Variants in COL24A1 observed in about 807,000 individuals in gnomAD.
The protein encoded by COL24A1 is collagen type XXIV alpha 1 chain.
In COL24A1, 224 loss-of-function variants were observed where a neutral mutation model predicts 253.9. The observed-to-expected ratio is 0.88, with a 90% CI of 0.79 to 0.99. The LOEUF (loss-of-function observed/expected upper bound fraction) is 0.99. Ranked by LOEUF, COL24A1 falls within the 50% of genes least tolerant of loss-of-function variation. The pLI is 0.00. For missense variants in COL24A1, 2,131 were observed against 2,068.5 expected, an observed-to-expected ratio of 1.03 and a Z score of -0.59; for synonymous variants, 685 against 673.7, an observed-to-expected ratio of 1.02 and a Z score of -0.26.
chr1:85,914,721 T>A (rs975211662), intron 24 of COL24A1, among the ~76,000 whole-genome samples: 12 of 152,220 alleles, frequency 7.9e-5, no homozygotes, highest in Admixed American at 3.3e-4. Context: ...ACATAAGACG[T>A]ATTGACCTTA....
intron 2 of COL24A1, among the ~76,000 whole-genome samples, chr1:86,139,173 G>A (rs1650709158): frequency 4.0e-5 from 1 of 24,890 alleles, no homozygotes; most frequent in East Asian, 1.6e-3. Flanking sequence ...TGAGGGAGAA[G>A]GAGAAAGGGG....
chr1:86,031,543 A>G (rs908759380), intron 14 of COL24A1, among the ~76,000 whole-genome samples: 1 of 152,104 alleles, frequency 6.6e-6, no homozygotes, highest in Non-Finnish European at 1.5e-5. Context: ...ATAATTAACA[A>G]TTTTTTAAAA....
intron 5 of COL24A1, among the ~76,000 whole-genome samples, chr1:86,102,575 C>T (rs1433157601): frequency 2.6e-5 from 4 of 152,090 alleles, no homozygotes; most frequent in African/African-American, 7.2e-5. Flanking sequence ...TTCTGATATT[C>T]GTATCTTTGT....
chr1:86,132,327 G>C (rs1438281915), intron 2 of COL24A1, among the ~76,000 whole-genome samples: 1 of 152,074 alleles, frequency 6.6e-6, no homozygotes, highest in Non-Finnish European at 1.5e-5. Context: ...CCTGTTCACT[G>C]TGATAGTAGT....
intron 28 of COL24A1, among the ~76,000 whole-genome samples, chr1:85,901,052 A>G (rs1684238081): frequency 1.3e-5 from 2 of 152,228 alleles, no homozygotes; most frequent in South Asian, 4.1e-4. Flanking sequence ...AAAAATAGAC[A>G]AATGGGACTA....
At chr1:85,911,830 G>C (rs749237974) in intron 24 of COL24A1, among the ~76,000 whole-genome samples, 4 of 151,862 alleles carry the variant, frequency 2.6e-5, no homozygotes, top group Admixed American at 1.3e-4. Flanking sequence ...ATACACAAGC[G>C]GACAGAACAT....
intron 6 of COL24A1, 124 bp downstream of exon 6, chr1:86,092,143 C>T (rs1571889970): frequency 8.8e-6 from 6 of 683,986 alleles, no homozygotes; most frequent in Middle Eastern, 4.3e-4. Flanking sequence ...CATTAAAATC[C>T]AACAATTAAT....
chr1:85,895,927 G>T, intron 30 of COL24A1, 25 bp from the exon 31 acceptor site: 1 of 1,606,802 alleles, frequency 6.2e-7, no homozygotes, highest in Non-Finnish European at 8.5e-7. Flanking sequence ...AAATTCTTGA[G>T]TCAAGTAGTC....
At chr1:85,806,033 G>A (rs554887952) in intron 47 of COL24A1, among the ~76,000 whole-genome samples, 114 of 145,362 alleles carry the variant, frequency 7.8e-4, no homozygotes, top group Non-Finnish European at 8.3e-4. Context: ...CGGAGATCGC[G>A]CCACTGCACT....
chr1:85,895,701 C>T (rs4912449), intron 31 of COL24A1, among the ~76,000 whole-genome samples, 157 bp downstream of exon 31: 134,961 of 152,142 alleles, frequency 0.89, 59,906 homozygotes, highest in African/African-American at 0.9. Context: ...AGGTAATCAG[C>T]TCATAATTTA....
At chr1:85,806,425 AGTAACTCTGTTAGACTTTGCAGGC>A (rs1187697989) in intron 47 of COL24A1, among the ~76,000 whole-genome samples, 41 of 152,228 alleles carry the variant, frequency 2.7e-4, no homozygotes, top group Non-Finnish European at 4.7e-4. Context: ...AGGGCCAGAC[AGTAACTCTGTTAGACTTTGCAGGC>A]CATATGGTCT....
intron 32 of COL24A1, among the ~76,000 whole-genome samples, chr1:85,879,502 A>G (rs536947925): frequency 3.9e-5 from 6 of 152,300 alleles, no homozygotes; most frequent in Admixed American, 3.9e-4. Context: ...GTCGACACTT[A>G]AAACAACATA....
chr1:85,980,859 A>C (rs1571459856), intron 20 of COL24A1, among the ~76,000 whole-genome samples: 2 of 152,168 alleles, frequency 1.3e-5, no homozygotes, highest in East Asian at 3.9e-4. Context: ...CAGTGAGCCA[A>C]GATCACGCCA....
At chr1:85,947,001 C>T (rs1009400760) in intron 24 of COL24A1, among the ~76,000 whole-genome samples, 10 of 152,050 alleles carry the variant, frequency 6.6e-5, no homozygotes, top group South Asian at 2.1e-4. Context: ...TTCTGAGTTT[C>T]GAAACCTTAG....
rs1165341082 is a variant in COL24A1, at chr1:85,945,002, G to GTTTT, written c.2562+16243_2562+16246dup. On this transcript the variant is annotated intron_variant, in intron 24 of 59. Coordinates refer to ENST00000370571, the MANE Select transcript of COL24A1 (RefSeq NM_152890.7). ...TTTTCTTAATCCAGTCTATCATTGT[G>GTTTT]TTTTTTTTTTTTTTTTTTTTTTTTT... is the stretch of plus-strand genomic sequence containing the variant. Among the ~76,000 whole-genome samples the GTTTT allele has an allele frequency of 8.5e-4, 30 of 35,354 alleles. 4 individuals are homozygous for GTTTT. Among genetic ancestry groups the GTTTT allele is most frequent in the African/African-American group, 3.0e-3 (25 of 8,232 alleles). 23.2% of individuals were successfully genotyped at this position (35,354 alleles called of 152,430 possible). A position where few individuals can be genotyped will look rare whatever the true frequency, so the allele number is the denominator to read the frequency against.
chr1:86,051,883 G>C (rs954985760), intron 10 of COL24A1, among the ~76,000 whole-genome samples: 3 of 152,018 alleles, frequency 2.0e-5, no homozygotes, highest in Admixed American at 2.0e-4. Context: ...TAGTTATTTT[G>C]AATTTGTGAT....
chr1:85,835,971 G>C (rs543780789), intron 43 of COL24A1, among the ~76,000 whole-genome samples: 1 of 152,296 alleles, frequency 6.6e-6, no homozygotes, highest in Admixed American at 6.5e-5. Context: ...ACACATGTGA[G>C]AGGTGTCTCC....
At chr1:86,051,172 G>A (rs1438111511) in intron 10 of COL24A1, among the ~76,000 whole-genome samples, 1 of 152,048 alleles carries the variant, frequency 6.6e-6, no homozygotes, top group East Asian at 1.9e-4. Context: ...CCAGATCACT[G>A]GTTCAACAAA....
At chr1:86,140,406 A>G (rs969004146) in intron 2 of COL24A1, among the ~76,000 whole-genome samples, 2 of 152,262 alleles carry the variant, frequency 1.3e-5, no homozygotes, top group Non-Finnish European at 2.9e-5. Flanking sequence ...AAAGAGATAA[A>G]TGCTAATTTA....
Sources: allele counts gnomAD v4.1 joint callset (sites outside exome capture counted in the v4.1 genomes callset), GRCh38; gene constraint gnomAD v4.1.1; transcripts MANE v1.5; gene names NCBI Gene and HGNC (gene_info 2026-07-23, HGNC 2026-07-21).